GHDC: variants seen among roughly 807,000 people sequenced by gnomAD.
GHDC encodes GH3 domain-containing protein.
In GHDC, 39 loss-of-function variants were observed where a neutral mutation model predicts 51.5. That is an observed-to-expected ratio of 0.76 (90% CI 0.59 to 0.99). GHDC has a LOEUF of 0.99. GHDC is among the 50% of genes least tolerant of loss of function. The probability of loss-of-function intolerance (pLI) is 0.00; values close to 1 mark genes in which losing one functional copy is unlikely to be tolerated. For synonymous variants in GHDC, 282 were observed against 305.2 expected (o/e 0.92, Z 0.79); for missense variants, 610 against 672.8 (o/e 0.91, Z 1.03).
Position 42,190,880 on chromosome 17 carries a change from C to A in GHDC, c.1106G>T (p.Arg369Leu). The A allele has an allele frequency of 6.2e-7, 1 of 1,610,512 alleles. No individual in the cohort carries two copies. The highest frequency in any genetic ancestry group is 8.5e-7 in the Non-Finnish European group (1 of 1,178,906). Residue 369 changes from arginine (R) to leucine (L), a missense_variant, in exon 7 of 10, where the codon CGA becomes CTA. Transcript: ENST00000587427. Reference sequence around the variant, plus strand: ...ACACTGATTGTAGGCACCAACCACTCGCACCACATCACCCAGGCGGCACCT... The same window carrying A: ...ACACTGATTGTAGGCACCAACCACTAGCACCACATCACCCAGGCGGCACCT... ...LTRCRLGDVVRVVGAYNQCPV... is the reference protein window; with the variant it reads ...LTRCRLGDVVLVVGAYNQCPV...
At chr17:42,191,351 C>T in intron 5 of GHDC, 141 bp from the exon 6 acceptor site, 1 of 833,758 alleles carries the variant, frequency 1.2e-6, no homozygotes, top group Non-Finnish European at 1.7e-6. Flanking sequence ...CCTGGCTCCC[C>T]CAGCCTCAGC....
Position 42,189,716 on chromosome 17 carries a change from C to T in GHDC, c.1580G>A (p.Arg527Lys). 1 of 1,472,484 alleles carries T rather than the reference C, an allele frequency of 6.8e-7. No homozygotes were observed. Among genetic ancestry groups the T allele is most frequent in the Non-Finnish European group, 9.0e-7 (1 of 1,111,146 alleles). The allele number at this position is 1,472,484 out of a possible 1,614,324, so 91.2% of individuals were successfully genotyped here. ...GCAGGACTTGACTCAGGACACCACC[C>T]TCTCCTGCAGACACTGGGCCAGGTG... is the stretch of plus-strand genomic sequence containing the variant. ...HRHLAQCLQERVVS is the reference protein window; with the variant it reads ...HRHLAQCLQEKVVS The change falls in exon 10 of 10, where the codon AGG (arginine) becomes AAG (lysine). Residue 527 changes from arginine (R) to lysine (K), a missense_variant. Arg to Lys is a conservative substitution (Grantham distance 26, BLOSUM62 2). Coordinates refer to ENST00000587427, the MANE Select transcript of GHDC (RefSeq NM_032484.5).
chr17:42,191,644 G>A (rs920514533), intron 5 of GHDC, among the ~76,000 whole-genome samples: 3 of 151,836 alleles, frequency 2.0e-5, no homozygotes, highest in Admixed American at 1.3e-4. Context: ...TTTTAGTAGA[G>A]ACAGGGTTTC....
chr17:42,191,064 C>T lies in GHDC; in HGVS notation c.1036G>A (p.Gly346Ser), dbSNP rs753710149. Reference protein sequence around the residue: ...STLLLAEAQQGKEYELVLTDR... With the variant: ...STLLLAEAQQSKEYELVLTDR... ...GTCAGCACCAGCTCATACTCCTTGC[C>T]CTGCTGGGCCTCGGCCAAAAGGAGG... The change falls in exon 6 of 10, where the codon GGC (glycine) becomes AGC (serine). Residue 346 changes from glycine (G) to serine (S), a missense_variant. Gly to Ser is a moderately conservative substitution (Grantham distance 56). Coordinates refer to ENST00000587427, the MANE Select transcript of GHDC (RefSeq NM_032484.5). The T allele has an allele frequency of 1.3e-6, 2 of 1,582,886 alleles. No homozygotes were observed. Among genetic ancestry groups the T allele is most frequent in the Non-Finnish European group, 8.6e-7 (1 of 1,165,794 alleles).
Position 42,193,609 on chromosome 17 carries a change from G to C in GHDC, c.-13-15C>G. 2 of 1,518,688 alleles carry C rather than the reference G, an allele frequency of 1.3e-6. No individual in the cohort carries two copies. The highest frequency in any genetic ancestry group is 2.5e-5 in the East Asian group (1 of 40,716). The allele number at this position is 1,518,688 out of a possible 1,614,324, so 94.1% of individuals were successfully genotyped here. A position where few individuals can be genotyped will look rare whatever the true frequency, so the allele number is the denominator to read the frequency against. ...CCAAGCAGCTCCTGGGAAGAGGAAG[G>C]AACCGAGATATGGGGGCATGCAGCA... On this transcript the variant is annotated splice_polypyrimidine_tract_variant and intron_variant, in intron 2 of 9. Coordinates refer to ENST00000587427, the MANE Select transcript of GHDC (RefSeq NM_032484.5).
chr17:42,191,047 C>G lies in GHDC; in HGVS notation c.1053G>C (p.Leu351=), dbSNP rs750269812. 1.5e-5 allele frequency: 23 copies of G among 1,584,740 alleles called. No homozygotes were observed. Among genetic ancestry groups the G allele is most frequent in the Admixed American group, 1.9e-5 (1 of 53,700 alleles). The change falls in exon 6 of 10, where the codon CTG becomes CTC. Residue 351 remains leucine (L), a synonymous_variant. Transcript: ENST00000587427. ...TGAGGCTGGCGCGGTCCGTCAGCACCAGCTCATACTCCTTGCCCTGCTGGG... is the reference window on the plus strand; with the variant it reads ...TGAGGCTGGCGCGGTCCGTCAGCACGAGCTCATACTCCTTGCCCTGCTGGG... ...AEAQQGKEYE[L]VLTDRASLTR...
Position 42,193,564 on chromosome 17 carries a change from C to T in GHDC, c.18G>A (p.Leu6=), listed in dbSNP as rs774572567. The T allele has an allele frequency of 9.8e-6, 15 of 1,537,832 alleles. No individual in the cohort carries two copies. The South Asian group carries it at 1.7e-4, about 17-fold the overall frequency. The change falls in exon 3 of 10, where the codon CTG becomes CTA. Residue 6 remains leucine, a synonymous_variant. Transcript: ENST00000587427. ...TTGGCAGCAGCAGCAGCAGCAGCAG[C>T]AGTGGCCACAGCAGCATCTCCAAGC... MLLWP[L]LLLLLLLPTL... is the part of the protein sequence containing the mutation.
rs2079978318 is a variant in GHDC at position 42,192,597 on chromosome 17, C to T, written c.533G>A (p.Gly178Glu). The stretch of plus-strand genomic sequence containing the variant: ...CAGCAGGGCCCTAGGGTCCTTGGTT[C>T]CAGGGGTGCCCACCTGGCCCAGGGT... ...GNTLGQVGTP[G>E]TKDPRALLLD... Residue 178 changes from glycine (G) to glutamate (E), a missense_variant, in exon 5 of 10, where the codon GGA becomes GAA. Coordinates refer to ENST00000587427, the MANE Select transcript of GHDC (RefSeq NM_032484.5). The T allele has an allele frequency of 6.2e-7, 1 of 1,613,544 alleles. No homozygotes were observed. The highest frequency in any genetic ancestry group is 8.5e-7 in the Non-Finnish European group (1 of 1,179,988).
At position 42,190,829 on chromosome 17, in the gene GHDC, T is replaced by A. The variant is rs1266030196; in HGVS notation, c.1154+3A>T. On this transcript the variant is annotated splice_donor_region_variant and intron_variant, in intron 7 of 9. Coordinates refer to ENST00000587427, the MANE Select transcript of GHDC (RefSeq NM_032484.5). ...GGCCCTTCAGCTCCCCGGGGTCACC[T>A]ACCTGCAGATGAACCTGACGACTGG... 1 of 1,613,650 alleles carries A rather than the reference T, an allele frequency of 6.2e-7. No individual in the cohort carries two copies. Among genetic ancestry groups the A allele is most frequent in the Non-Finnish European group, 8.5e-7 (1 of 1,179,892 alleles).
chr17:42,191,015 C>T lies in GHDC; in HGVS notation c.1082+3G>A. On this transcript the variant is annotated splice_donor_region_variant and intron_variant, in intron 6 of 9. Transcript: ENST00000587427. ...AGGTAGCAGGGGCTGTGCAGCTGAT[C>T]ACCTGGTGAGGCTGGCGCGGTCCGT... 2 of 1,569,716 alleles carry T rather than the reference C, an allele frequency of 1.3e-6. No homozygotes were observed. Among genetic ancestry groups the T allele is most frequent in the Non-Finnish European group, 1.7e-6 (2 of 1,159,588 alleles).
Position 42,193,402 on chromosome 17 carries a change from G to A in GHDC, c.180C>T (p.Leu60=). 6.3e-7 allele frequency: 1 copy of A among 1,589,580 alleles called. No homozygotes were observed. The highest frequency in any genetic ancestry group is 1.1e-5 in the South Asian group (1 of 87,288). Residue 60 remains leucine (L), a synonymous_variant, in exon 3 of 10, where the codon CTC becomes CTT. Transcript: ENST00000587427. ...WQRRRLEQST[L]HVHQSQQQAL... is the part of the protein sequence containing the mutation. ...CCTGCTGCTGGCTCTGGTGCACATG[G>A]AGCGTGCTCTGCTCCAGCCTCCGCC...
At chr17:42,193,222 T>A (rs2079983539) in intron 3 of GHDC, 95 bp downstream of exon 3, 1 of 1,517,502 alleles carries the variant, frequency 6.6e-7, no homozygotes, top group African/African-American at 1.4e-5. Flanking sequence ...CCGTTGGCAG[T>A]GGAGGAGGTA....
chr17:42,190,277 A>C lies in GHDC; in HGVS notation c.1289-7T>G. 6.2e-7 allele frequency: 1 copy of C among 1,614,196 alleles called. No individual in the cohort carries two copies. Among genetic ancestry groups the C allele is most frequent in the Admixed American group, 1.7e-5 (1 of 60,024 alleles). Reference sequence around the variant, plus strand: ...GCAGAGCCCGCAGAGGAATCTGTGAATAGACCCCATGTGCACACATACTTC... The same window carrying C: ...GCAGAGCCCGCAGAGGAATCTGTGACTAGACCCCATGTGCACACATACTTC... On this transcript the variant is annotated splice_region_variant and splice_polypyrimidine_tract_variant and intron_variant, in intron 8 of 9. Transcript: ENST00000587427.
At chr17:42,190,992 G>C in intron 6 of GHDC, 26 bp downstream of exon 6, 2 of 1,564,456 alleles carry the variant, frequency 1.3e-6, no homozygotes, top group African/African-American at 2.7e-5. Flanking sequence ...AGGGCCCCAG[G>C]TAGCAGGGGC....
At position 42,192,562 on chromosome 17, in the gene GHDC, G is replaced by A. The variant is rs1371390376; in HGVS notation, c.568C>T (p.Leu190=). Residue 190 remains leucine, a synonymous_variant, in exon 5 of 10, where the codon CTG becomes TTG. Transcript: ENST00000587427. The part of the protein sequence containing the change: ...KDPRALLLDA[L]RSPGLRALEA... ...AGTGCCCTCAGCCCTGGGGACCTCA[G>A]TGCGTCCAGCAGCAGGGCCCTAGGG... 1 of 1,613,780 alleles carries A rather than the reference G, an allele frequency of 6.2e-7. No individual in the cohort carries two copies. Among genetic ancestry groups the A allele is most frequent in the Non-Finnish European group, 8.5e-7 (1 of 1,180,042 alleles).
At chr17:42,190,159 T>C (rs1300601822) in intron 9 of GHDC, 26 bp downstream of exon 9, 1 of 1,603,024 alleles carries the variant, frequency 6.2e-7, no homozygotes, top group Non-Finnish European at 8.5e-7. Context: ...GGGTCTACAG[T>C]CAGACCCTGT....
rs267604886 is a variant in GHDC at position 42,192,518 on chromosome 17, G to C, written c.612C>G (p.Val204=). 4.3e-6 allele frequency: 7 copies of C among 1,613,668 alleles called. No individual in the cohort carries two copies. The South Asian group carries it at 7.7e-5, about 18-fold the overall frequency. Residue 204 remains valine, a synonymous_variant, in exon 5 of 10, where the codon GTC becomes GTG. Coordinates refer to ENST00000587427, the MANE Select transcript of GHDC (RefSeq NM_032484.5). ...GLRALEAGTA[V]ELLDVFLGLE... is the part of the protein sequence containing the mutation. ...GGCCCAAGAAAACATCCAGAAGTTC[G>C]ACAGCCGTCCCAGCCTCCAGTGCCC...
Position 42,189,861 on chromosome 17 carries a change from C to T in GHDC, c.1435G>A (p.Val479Met), listed in dbSNP as rs1320482119. Residue 479 changes from valine to methionine, a missense_variant, in exon 10 of 10, where the codon GTG (valine) becomes ATG (methionine). Val to Met is a conservative substitution (Grantham distance 21). This residue lies in a region of GHDC where 412 missense variants were observed against 410.4 expected (regional missense o/e 1.00). Coordinates refer to ENST00000587427, the MANE Select transcript of GHDC (RefSeq NM_032484.5). ...ACCAGGTGGACTCTGGCAGGGCCCACGCTGCCCCAGAACCGCAGGGACTTG... is the reference window on the plus strand; with the variant it reads ...ACCAGGTGGACTCTGGCAGGGCCCATGCTGCCCCAGAACCGCAGGGACTTG... The part of the protein sequence containing the change: ...RYKSLRFWGS[V>M]GPARVHLVGQ... The T allele has an allele frequency of 4.5e-6, 7 of 1,561,858 alleles. No individual in the cohort carries two copies. Among genetic ancestry groups the T allele is most frequent in the East Asian group, 2.4e-5 (1 of 41,914 alleles).
Position 42,193,848 on chromosome 17 carries a change from G to A in GHDC, c.-95C>T. ...TGGGCTGCACTGAGCTCTGTTTCCTGATCTGCAAAATGGGAATAAGAATAA... is the reference window on the plus strand; with the variant it reads ...TGGGCTGCACTGAGCTCTGTTTCCTAATCTGCAAAATGGGAATAAGAATAA... On this transcript the variant is annotated splice_region_variant and 5_prime_UTR_variant, in exon 2 of 10. Transcript: ENST00000587427. 2.0e-6 allele frequency: 1 copy of A among 494,558 alleles called. No homozygotes were observed. Among genetic ancestry groups the A allele is most frequent in the Non-Finnish European group, 3.6e-6 (1 of 280,686 alleles). 30.6% of individuals were successfully genotyped at this position (494,558 alleles called of 1,614,324 possible). A position where few individuals can be genotyped will look rare whatever the true frequency, so the allele number is the denominator to read the frequency against.
Sources: allele counts gnomAD v4.1 joint callset (sites outside exome capture counted in the v4.1 genomes callset), GRCh38; gene constraint gnomAD v4.1.1; regional missense constraint gnomAD v4.1.1; transcripts MANE v1.5; gene names NCBI Gene and HGNC (gene_info 2026-07-23, HGNC 2026-07-21).